The following GALK2 variants were observed in gnomAD, a reference collection of about 807,000 sequenced individuals.
GALK2 encodes N-acetylgalactosamine kinase.
A neutral mutation model predicts 52.4 loss-of-function variants in GALK2; 36 were observed. The observed-to-expected ratio is 0.69, with a 90% CI of 0.53 to 0.91. GALK2 has a LOEUF of 0.91. GALK2 is among the 40% of genes least tolerant of loss of function. GALK2 has a pLI of 0.00. For synonymous variants in GALK2, 176 were observed against 199.1 expected (o/e 0.88, Z 0.98); for missense variants, 579 against 559.1 (o/e 1.04, Z -0.36).
intron 1 of GALK2, among the ~76,000 whole-genome samples, chr15:49,195,562 A>G (rs1024802696): frequency 2.0e-5 from 3 of 151,594 alleles, no homozygotes; most frequent in Admixed American, 1.3e-4. Flanking sequence ...CTGTATATTA[A>G]TCTTACATCC....
intron 5 of GALK2, among the ~76,000 whole-genome samples, chr15:49,248,625 G>A (rs1359978843): frequency 6.6e-6 from 1 of 152,156 alleles, no homozygotes; most frequent in East Asian, 1.9e-4. Flanking sequence ...AACCATTCAC[G>A]TAGTTTTGTC....
chr15:49,237,466 TTTTG>T (rs2090878737), intron 4 of GALK2, among the ~76,000 whole-genome samples: 1 of 151,834 alleles, frequency 6.6e-6, no homozygotes, highest in East Asian at 1.9e-4. Flanking sequence ...GTTTTTGTTT[TTTTG>T]TTTTTGTTTT....
intron 3 of GALK2, among the ~76,000 whole-genome samples, chr15:49,354,254 G>A (rs939179928): frequency 7.9e-5 from 12 of 152,340 alleles, no homozygotes; most frequent in Non-Finnish European, 1.5e-4. Context: ...CAAGATGGCC[G>A]AATAGGAACA....
At chr15:49,184,393 A>G (rs913073360) in intron 1 of GALK2, among the ~76,000 whole-genome samples, 1 of 152,110 alleles carries the variant, frequency 6.6e-6, no homozygotes, top group African/African-American at 2.4e-5. Flanking sequence ...CTTGTAGGCA[A>G]CAGATCATTG....
intron 3 of GALK2, among the ~76,000 whole-genome samples, chr15:49,342,857 A>G (rs149785443): frequency 2.6e-5 from 4 of 152,158 alleles, no homozygotes; most frequent in African/African-American, 4.8e-5. Flanking sequence ...TAGGCCCCCA[A>G]TCTCTCCTGG....
exon 1 of GALK2, chr15:49,155,884 C>G: frequency 8.2e-7 from 1 of 1,225,928 alleles, no homozygotes; most frequent in Non-Finnish European, 1.2e-6. Context: ...AGTTTCCAGC[C>G]TCCTGGGTAA....
intron 7 of GALK2, among the ~76,000 whole-genome samples, chr15:49,288,448 T>A (rs2033607737): frequency 6.6e-6 from 1 of 152,216 alleles, no homozygotes; most frequent in African/African-American, 2.4e-5. Flanking sequence ...GTTTTTCAGC[T>A]CCTTTCATTT....
chr15:49,192,013 C>T (rs968617182), intron 1 of GALK2, among the ~76,000 whole-genome samples: 10 of 151,746 alleles, frequency 6.6e-5, no homozygotes, highest in Non-Finnish European at 1.2e-4. Flanking sequence ...TATTTTGATG[C>T]TCAATTGTTT....
At chr15:49,214,185 C>T (rs934048692) in intron 2 of GALK2, among the ~76,000 whole-genome samples, 8 of 152,004 alleles carry the variant, frequency 5.3e-5, no homozygotes, top group Non-Finnish European at 1.0e-4. Context: ...TTTGTGGTTA[C>T]TGTGAGGCTT....
chr15:49,302,688 A>G (rs554023480), intron 8 of GALK2, among the ~76,000 whole-genome samples: 1 of 152,362 alleles, frequency 6.6e-6, no homozygotes, highest in African/African-American at 2.4e-5. Context: ...TGTGATCTCA[A>G]CAGATTCCAT....
chr15:49,358,960 CAA>C (rs1386018483), intron 3 of GALK2, among the ~76,000 whole-genome samples: 4 of 148,630 alleles, frequency 2.7e-5, no homozygotes, highest in Non-Finnish European at 4.5e-5. Flanking sequence ...TGATCTTTGA[CAA>C]ACCTGAGAAA....
At chr15:49,332,069 G>C (rs546258428), downstream of GALK2, among the ~76,000 whole-genome samples, 3 of 145,724 alleles carry the variant, frequency 2.1e-5, no homozygotes, top group African/African-American at 5.1e-5. Context: ...ACCCACCCCC[G>C]CTGCATGTGC....
intron 1 of GALK2, chr15:49,156,345 C>A: frequency 2.5e-6 from 1 of 406,262 alleles, no homozygotes; most frequent in South Asian, 2.2e-5. Flanking sequence ...TGCGGTGACT[C>A]GCGGGATCAG....
chr15:49,294,465 G>A (rs904960121), intron 8 of GALK2, among the ~76,000 whole-genome samples: 14 of 152,004 alleles, frequency 9.2e-5, no homozygotes, highest in Admixed American at 8.5e-4. Flanking sequence ...TAAATAATTT[G>A]TGTGTGTGTG....
intron 9 of GALK2, among the ~76,000 whole-genome samples, chr15:49,324,400 CAA>C (rs56869664): frequency 1.1e-5 from 1 of 93,436 alleles, no homozygotes. Context: ...CATACCCTGT[CAA>C]AAAAAAAAAA....
intron 8 of GALK2, among the ~76,000 whole-genome samples, chr15:49,298,736 C>G (rs1473930853): frequency 2.0e-5 from 3 of 152,036 alleles, no homozygotes; most frequent in Non-Finnish European, 1.5e-5. Context: ...TTGAACTAAC[C>G]TTTGCATCCA....
chr15:49,289,686 C>T (rs1258652244), intron 7 of GALK2, among the ~76,000 whole-genome samples: 1 of 152,156 alleles, frequency 6.6e-6, no homozygotes, highest in Non-Finnish European at 1.5e-5. Flanking sequence ...TCAGCGGGCC[C>T]AGACTCACCT....
At chr15:49,165,520 CTG>C (rs767131017), upstream of GALK2, among the ~76,000 whole-genome samples, 1 of 152,050 alleles carries the variant, frequency 6.6e-6, no homozygotes, top group Non-Finnish European at 1.5e-5. Context: ...TAATCTAGCT[CTG>C]TGCTGTCTAA....
At chr15:49,269,758 T>C (rs1232285814) in intron 5 of GALK2, among the ~76,000 whole-genome samples, 1 of 152,206 alleles carries the variant, frequency 6.6e-6, no homozygotes, top group Non-Finnish European at 1.5e-5. Flanking sequence ...CTACCCTCTG[T>C]TACCATAGTG....
Sources: allele counts gnomAD v4.1 joint callset (sites outside exome capture counted in the v4.1 genomes callset), GRCh38; gene constraint gnomAD v4.1.1; transcripts MANE v1.5; gene names NCBI Gene and HGNC (gene_info 2026-07-23, HGNC 2026-07-21).